CTNNA2: variants seen among roughly 807,000 people sequenced by gnomAD.
CTNNA2 encodes catenin alpha 2.
In CTNNA2, 42 loss-of-function variants were observed where a neutral mutation model predicts 101.0. The observed-to-expected ratio is 0.42, with a 90% CI of 0.32 to 0.54. The LOEUF is 0.54. Among genes scored for constraint, CTNNA2 ranks in the 20% least tolerant of loss-of-function variants. The probability of loss-of-function intolerance (pLI) is 0.14; values close to 1 mark genes in which losing one functional copy is unlikely to be tolerated. For synonymous variants in CTNNA2, 450 were observed against 456.4 expected (o/e 0.99, Z 0.18); for missense variants, 871 against 1,223.1 (o/e 0.71, Z 4.29).
Position 79,591,791 on chromosome 2 carries a change from G to C in CTNNA2, c.-5-59761G>C, listed in dbSNP as rs777839939. On this transcript the variant is annotated intron_variant, in intron 1 of 18. Transcript: ENST00000402739. Reference sequence around the variant, plus strand: ...TTCTGAAATCTAATCTGTGTCTTACGTATGAGGAGAATGTTAATACATATG... The same window carrying C: ...TTCTGAAATCTAATCTGTGTCTTACCTATGAGGAGAATGTTAATACATATG... 6.0e-4 allele frequency among the ~76,000 whole-genome samples: 91 copies of C among 152,092 alleles called. 1 individual carries two copies. Among genetic ancestry groups the C allele is most frequent in the Middle Eastern group, 3.4e-3 (1 of 294 alleles).
At chr2:79,693,351 T>G (rs1211342079) in intron 2 of CTNNA2, among the ~76,000 whole-genome samples, 1 of 152,006 alleles carries the variant, frequency 6.6e-6, no homozygotes, top group Non-Finnish European at 1.5e-5. Context: ...TATGGAAAAC[T>G]TGAAAGCATT....
At chr2:79,677,185 T>A (rs1363498181) in intron 2 of CTNNA2, among the ~76,000 whole-genome samples, 1 of 152,214 alleles carries the variant, frequency 6.6e-6, no homozygotes, top group Non-Finnish European at 1.5e-5. Flanking sequence ...TCAAAGATTA[T>A]CTGAGAGACA....
rs1046288419 is a variant in CTNNA2 at position 79,270,231 on chromosome 2, TA to T, written c.-405-42470del. Among the ~76,000 whole-genome samples, 38 of 152,042 alleles carry T rather than the reference TA, an allele frequency of 2.5e-4. No individual in the cohort carries two copies. In the East Asian group the frequency reaches 6.6e-3, roughly 26 times the overall value. ...TGTGAACTATATCTCAAGGAAACTG[TA>T]AAAAAAATATATGACAAAGAAGAAT... On this transcript the variant is annotated intron_variant, in intron 2 of 21. Coordinates refer to the CTNNA2 transcript ENST00000466387.
intron 2 of CTNNA2, among the ~76,000 whole-genome samples, chr2:79,713,171 C>A (rs1326702352): frequency 1.3e-5 from 2 of 152,188 alleles, no homozygotes; most frequent in Non-Finnish European, 2.9e-5. Context: ...TGGCAAAAAT[C>A]ATTGAATAAA....
At chr2:79,536,686 T>TTTTCTTTTCTTTTC (rs1553422847) in intron 1 of CTNNA2, among the ~76,000 whole-genome samples, 5 of 140,032 alleles carry the variant, frequency 3.6e-5, no homozygotes, top group South Asian at 4.8e-4. Context: ...ATGGATTTTT[T>TTTTCTTTTCTTTTC]TTTTCTTTTC....
At chr2:80,181,208 A>G (rs1705754899) in intron 7 of CTNNA2, among the ~76,000 whole-genome samples, 1 of 152,150 alleles carries the variant, frequency 6.6e-6, no homozygotes. Context: ...TGTCTTGCCT[A>G]GCAACTGCCT....
intron 7 of CTNNA2, among the ~76,000 whole-genome samples, chr2:80,190,460 C>A (rs561939239): frequency 1.3e-5 from 2 of 152,174 alleles, no homozygotes; most frequent in African/African-American, 4.8e-5. Context: ...TTCATTTACC[C>A]CAAAACTCAG....
At chr2:79,594,383 G>C (rs986344977) in intron 1 of CTNNA2, among the ~76,000 whole-genome samples, 67 of 152,086 alleles carry the variant, frequency 4.4e-4, no homozygotes, top group African/African-American at 1.4e-3. Context: ...TATGATCCTA[G>C]GTGATTTAAC....
At chr2:80,055,962 T>C (rs1235852181) in intron 7 of CTNNA2, among the ~76,000 whole-genome samples, 3 of 152,160 alleles carry the variant, frequency 2.0e-5, no homozygotes, top group African/African-American at 7.2e-5. Context: ...TGGAAGGGTT[T>C]AGTACAGAGA....
chr2:80,541,957 A>C (rs1691600116), intron 9 of CTNNA2, among the ~76,000 whole-genome samples: 1 of 142,240 alleles, frequency 7.0e-6, no homozygotes. Context: ...ACCATCATAC[A>C]CTGTCACTCA....
Position 80,648,528 on chromosome 2 carries a change from T to C in CTNNA2, c.*656T>C, listed in dbSNP as rs1449304794. 1.3e-5 allele frequency: 2 copies of C among 152,596 alleles called. No homozygotes were observed. The highest frequency in any genetic ancestry group is 4.8e-5 in the African/African-American group (2 of 41,448). 9.5% of individuals were successfully genotyped at this position (152,596 alleles called of 1,614,324 possible). ...TTTAATGAAAACAATAAACATCTAT[T>C]TGAGACAATTAAAATCCTTCTGGGG... On this transcript the variant is annotated 3_prime_UTR_variant, in exon 19 of 19. Coordinates refer to ENST00000402739, the MANE Select transcript of CTNNA2 (RefSeq NM_001282597.3).
intron 14 of CTNNA2, among the ~76,000 whole-genome samples, chr2:80,584,317 T>C (rs1188472336): frequency 1.3e-5 from 2 of 151,940 alleles, no homozygotes; most frequent in African/African-American, 4.8e-5. Context: ...GATAAGCTTT[T>C]AGTAACCCCA....
chr2:80,085,316 T>A lies in CTNNA2; in HGVS notation c.1056+175519T>A, dbSNP rs116052761. ...CATAATGCACTTGTCCCCCAGAGCT[T>A]CCTCCAGAAAGTGTCAAACATTTCC... On this transcript the variant is annotated intron_variant, in intron 7 of 18. Transcript: ENST00000402739. Among the ~76,000 whole-genome samples the A allele has an allele frequency of 2.6e-3, 393 of 152,186 alleles. 4 individuals are homozygous for A. Among genetic ancestry groups the A allele is most frequent in the Middle Eastern group, 0.021 (6 of 292 alleles).
chr2:79,852,889 C>T (rs1192580694), intron 3 of CTNNA2, among the ~76,000 whole-genome samples: 2 of 151,578 alleles, frequency 1.3e-5, no homozygotes, highest in Admixed American at 6.6e-5. Context: ...CGCGCACAGC[C>T]GCAGTTTAAC....
chr2:80,033,287 G>A (rs1218492034), intron 7 of CTNNA2, among the ~76,000 whole-genome samples: 1 of 152,128 alleles, frequency 6.6e-6, no homozygotes, highest in Non-Finnish European at 1.5e-5. Context: ...ACCATACTGG[G>A]CATGGTGGTT....
intron 1 of CTNNA2, among the ~76,000 whole-genome samples, chr2:79,573,588 A>G (rs1675599939): frequency 6.6e-6 from 1 of 152,254 alleles, no homozygotes; most frequent in Admixed American, 6.5e-5. Flanking sequence ...AGGGACTCAC[A>G]TTTCCAATAA....
intron 2 of CTNNA2, among the ~76,000 whole-genome samples, chr2:79,298,656 T>C (rs770437183): frequency 7.2e-5 from 11 of 152,150 alleles, no homozygotes; most frequent in Non-Finnish European, 1.5e-4. Context: ...ACATAATCCC[T>C]CTTTTATACC....
intron 4 of CTNNA2, among the ~76,000 whole-genome samples, chr2:79,441,414 C>T (rs1183472565): frequency 1.3e-5 from 2 of 152,052 alleles, no homozygotes; most frequent in African/African-American, 4.8e-5. Context: ...TCCTAATTGC[C>T]TCCTCTCTGT....
At chr2:80,043,573 G>C (rs922905462) in intron 7 of CTNNA2, among the ~76,000 whole-genome samples, 3 of 152,138 alleles carry the variant, frequency 2.0e-5, no homozygotes, top group Non-Finnish European at 4.4e-5. Flanking sequence ...CTTGCGGGTT[G>C]AATGCAGAGC....
Sources: gnomAD v4.1 joint callset for allele counts (sites outside exome capture counted in the v4.1 genomes callset) on GRCh38, gnomAD v4.1.1 for gene constraint, MANE v1.5 for transcripts, NCBI Gene and HGNC (gene_info 2026-07-23, HGNC 2026-07-21) for gene names.